Variants in GRM8 observed in about 807,000 individuals in gnomAD.
GRM8 encodes glutamate metabotropic receptor 8, also known as metabotropic glutamate receptor 8.
GRM8 carries 47 observed loss-of-function variants against 87.2 expected under a neutral mutation model. The ratio of observed to expected loss-of-function variants is 0.54; its 90% CI spans 0.43 to 0.69. GRM8 has a LOEUF of 0.69. GRM8 is among the 30% of genes least tolerant of loss of function. The pLI is 0.00. For missense variants in GRM8, 1,019 were observed against 1,139.2 expected, an observed-to-expected ratio of 0.89 and a Z score of 1.52; for synonymous variants, 396 against 404.5, an observed-to-expected ratio of 0.98 and a Z score of 0.25.
intron 7 of GRM8, chr7:126,701,657 A>T: frequency 2.3e-6 from 1 of 435,396 alleles, no homozygotes; most frequent in South Asian, 1.8e-5. Flanking sequence ...AAGTTCAAAT[A>T]GTCTAGATAG....
At chr7:126,700,491 C>G (rs925812249) in intron 7 of GRM8, among the ~76,000 whole-genome samples, 3 of 152,098 alleles carry the variant, frequency 2.0e-5, no homozygotes, top group Admixed American at 1.3e-4. Flanking sequence ...TCACTTGATT[C>G]TCAAAACAAT....
At chr7:126,613,012 T>G (rs1005069362) in intron 7 of GRM8, among the ~76,000 whole-genome samples, 1 of 152,228 alleles carries the variant, frequency 6.6e-6, no homozygotes, top group African/African-American at 2.4e-5. Flanking sequence ...TGATGACCCT[T>G]GCATCTTGTT....
intron 3 of GRM8, among the ~76,000 whole-genome samples, chr7:126,992,726 T>C (rs1812779074): frequency 6.6e-6 from 1 of 152,138 alleles, no homozygotes; most frequent in South Asian, 2.1e-4. Flanking sequence ...TAGGTTTACA[T>C]GAGGCCATGA....
chr7:126,478,947 G>T (rs1223291210), intron 9 of GRM8, among the ~76,000 whole-genome samples: 6 of 152,008 alleles, frequency 3.9e-5, no homozygotes, highest in African/African-American at 1.4e-4. Flanking sequence ...AATTAAATAT[G>T]GGTAAATCTG....
At chr7:126,528,614 T>TTG (rs59437677) in intron 9 of GRM8, among the ~76,000 whole-genome samples, 3,985 of 149,158 alleles carry the variant, frequency 0.027, 97 homozygotes, top group African/African-American at 0.06. Flanking sequence ...ACAAAAGAAG[T>TTG]TGTGTGTGTG....
intron 3 of GRM8, among the ~76,000 whole-genome samples, chr7:127,085,184 T>G (rs528065141): frequency 1.3e-5 from 2 of 152,354 alleles, no homozygotes; most frequent in South Asian, 2.1e-4. Flanking sequence ...GGTGTATATG[T>G]GCCACATTTT....
intron 3 of GRM8, among the ~76,000 whole-genome samples, chr7:127,021,342 A>ATTTTTTTTTTTTTTTTTTT (rs1251601184): frequency 6.6e-6 from 1 of 151,474 alleles, no homozygotes; most frequent in Admixed American, 6.6e-5. Context: ...GCAGAGGGAA[A>ATTTTTTTTTTTTTTTTTTT]TTTTTTTTAA....
At position 126,819,056 on chromosome 7, in the gene GRM8, G is replaced by A. The variant is rs868853648; in HGVS notation, c.1157-48991C>T. Among the ~76,000 whole-genome samples, 5 of 152,010 alleles carry A rather than the reference G, an allele frequency of 3.3e-5. No homozygotes were observed. The South Asian group carries it at 6.2e-4, about 19-fold the overall frequency. ...CTCTCACCTGAACTGCAACTAGGGC[G>A]GCCATCTGAGGGATCTCCCGTTTCT... is the stretch of plus-strand genomic sequence containing the variant. On this transcript the variant is annotated intron_variant, in intron 6 of 10. Transcript: ENST00000339582.
At chr7:127,123,039 A>G (rs897315617) in intron 2 of GRM8, among the ~76,000 whole-genome samples, 2 of 152,108 alleles carry the variant, frequency 1.3e-5, no homozygotes, top group Non-Finnish European at 2.9e-5. Context: ...CAGGAGATGG[A>G]ATAAGCAAAG....
At chr7:126,816,801 G>C (rs1266754603) in intron 6 of GRM8, among the ~76,000 whole-genome samples, 1 of 150,816 alleles carries the variant, frequency 6.6e-6, no homozygotes, top group African/African-American at 2.4e-5. Context: ...CATATACAGA[G>C]GTACACAAAT....
At chr7:126,569,883 ACAT>A (rs1794549426) in intron 8 of GRM8, among the ~76,000 whole-genome samples, 1 of 152,152 alleles carries the variant, frequency 6.6e-6, no homozygotes, top group Non-Finnish European at 1.5e-5. Flanking sequence ...TCATTCTTAG[ACAT>A]CATCCTTTTT....
intron 2 of GRM8, among the ~76,000 whole-genome samples, chr7:127,142,923 T>G (rs1405004383): frequency 6.6e-6 from 1 of 152,126 alleles, no homozygotes; most frequent in Non-Finnish European, 1.5e-5. Context: ...TTAAAAAAAA[T>G]AAATAACCAT....
intron 9 of GRM8, among the ~76,000 whole-genome samples, chr7:126,515,462 C>T (rs1812030627): frequency 6.6e-6 from 1 of 152,002 alleles, no homozygotes; most frequent in African/African-American, 2.4e-5. Flanking sequence ...GTATAAGTTT[C>T]CTATTGCTGT....
At chr7:126,723,297 A>C (rs918282226) in intron 7 of GRM8, among the ~76,000 whole-genome samples, 1 of 151,826 alleles carries the variant, frequency 6.6e-6, no homozygotes, top group Non-Finnish European at 1.5e-5. Context: ...TCTTTATTTC[A>C]CCTATATTTA....
intron 3 of GRM8, among the ~76,000 whole-genome samples, chr7:127,063,591 G>T (rs1586893980): frequency 6.6e-6 from 1 of 151,986 alleles, no homozygotes; most frequent in African/African-American, 2.4e-5. Flanking sequence ...CAAACAAAAA[G>T]AAAAAATAAA....
At chr7:126,965,888 A>G (rs965221525) in intron 3 of GRM8, among the ~76,000 whole-genome samples, 8 of 151,994 alleles carry the variant, frequency 5.3e-5, no homozygotes, top group Non-Finnish European at 7.4e-5. Context: ...CAGAAAATTG[A>G]GTGATTTTTT....
chr7:126,777,009 G>GC (rs1461466359), intron 6 of GRM8, among the ~76,000 whole-genome samples: 4 of 152,088 alleles, frequency 2.6e-5, no homozygotes, highest in Non-Finnish European at 5.9e-5. Flanking sequence ...CTGGGCTACT[G>GC]CTGAGACCTG....
chr7:126,738,589 G>A (rs1255395081), intron 7 of GRM8, among the ~76,000 whole-genome samples: 1 of 151,648 alleles, frequency 6.6e-6, no homozygotes, highest in Non-Finnish European at 1.5e-5. Flanking sequence ...CCAAGTGAAG[G>A]ATACAGTTGG....
intron 3 of GRM8, among the ~76,000 whole-genome samples, chr7:126,906,294 G>A (rs1802662603): frequency 6.6e-6 from 1 of 152,024 alleles, no homozygotes. Context: ...TATTGATTAA[G>A]CCACCCAGTA....
Sources: allele counts gnomAD v4.1 joint callset (sites outside exome capture counted in the v4.1 genomes callset), GRCh38; gene constraint gnomAD v4.1.1; transcripts MANE v1.5; gene names NCBI Gene and HGNC (gene_info 2026-07-23, HGNC 2026-07-21).